Variants in PCDHGA6 observed in about 807,000 individuals in gnomAD.
PCDHGA6 encodes protocadherin gamma-A6.
PCDHGA6 carries 41 observed loss-of-function variants against 60.6 expected under a neutral mutation model. That is an observed-to-expected ratio of 0.68 (90% CI 0.53 to 0.88). The LOEUF (loss-of-function observed/expected upper bound fraction) is 0.88, where lower values mean the gene tolerates loss of function less well. PCDHGA6 is among the 40% of genes least tolerant of loss of function. The pLI is 0.00. For missense variants in PCDHGA6, 1,312 were observed against 1,203.0 expected, an observed-to-expected ratio of 1.09 and a Z score of -1.34; for synonymous variants, 594 against 524.4, an observed-to-expected ratio of 1.13 and a Z score of -1.81.
chr5:141,382,530 G>A (rs1043069134), intron 1 of PCDHGA6, among the ~76,000 whole-genome samples: 2 of 152,150 alleles, frequency 1.3e-5, no homozygotes, highest in Non-Finnish European at 2.9e-5. Context: ...GTCTTAAAAT[G>A]GATTTTTAAT....
chr5:141,382,463 A>T (rs1010194037), intron 1 of PCDHGA6, among the ~76,000 whole-genome samples: 1 of 152,216 alleles, frequency 6.6e-6, no homozygotes, highest in African/African-American at 2.4e-5. Context: ...GCAGTTTTTT[A>T]AAAATTATCT....
chr5:141,463,535 G>A (rs1178825067), intron 1 of PCDHGA6, among the ~76,000 whole-genome samples: 4 of 137,928 alleles, frequency 2.9e-5, no homozygotes, highest in East Asian at 2.3e-4. Context: ...TAGAAACTCC[G>A]GCTCCCGGGT....
chr5:141,474,358 C>A (rs189724264), intron 1 of PCDHGA6, among the ~76,000 whole-genome samples: 30 of 152,290 alleles, frequency 2.0e-4, no homozygotes, highest in African/African-American at 6.5e-4. Context: ...AGTCATGTCT[C>A]AGTAGGTCTA....
intron 1 of PCDHGA6, chr5:141,408,720 A>G (rs1325828281): frequency 6.2e-7 from 1 of 1,611,214 alleles, no homozygotes; most frequent in African/African-American, 1.3e-5. Context: ...TATAAGATAA[A>G]CTCTAATCCT....
chr5:141,425,763 G>A (rs959881638), intron 1 of PCDHGA6, among the ~76,000 whole-genome samples: 3 of 152,164 alleles, frequency 2.0e-5, no homozygotes, highest in Non-Finnish European at 4.4e-5. Context: ...TCTACAACAG[G>A]AGAGAAGACT....
chr5:141,472,557 A>G (rs2099288029), intron 1 of PCDHGA6, among the ~76,000 whole-genome samples: 3 of 152,044 alleles, frequency 2.0e-5, no homozygotes, highest in Admixed American at 1.3e-4. Flanking sequence ...AAAAAATTAT[A>G]TTATAAATGC....
At chr5:141,415,359 G>C in intron 1 of PCDHGA6, 2 of 1,614,246 alleles carry the variant, frequency 1.2e-6, no homozygotes, top group Non-Finnish European at 1.7e-6. Flanking sequence ...AGTCACGCCT[G>C]CTGCAGGCTT....
At position 141,490,712 on chromosome 5, in the gene PCDHGA6, A is replaced by T; in HGVS notation, c.2425-4095A>T. The stretch of plus-strand genomic sequence containing the variant: ...ACTGGGGATAATGCCCGCCTCACCT[A>T]CTCCATTGTAGGAAATCAGGTTCAG... On this transcript the variant is annotated intron_variant, in intron 1 of 3. Transcript: ENST00000517434. The surrounding 1 kb of genome is among the most constrained non-coding windows in gnomAD (Gnocchi z 5.4). The T allele has an allele frequency of 6.2e-7, 1 of 1,613,686 alleles. No homozygotes were observed. The highest frequency in any genetic ancestry group is 8.5e-7 in the Non-Finnish European group (1 of 1,179,894).
rs151105903 is a variant in PCDHGA6 at position 141,419,964 on chromosome 5, T to C, written c.2424+43457T>C. ...GTGGCCTTGGCCTTGATTTCTGTGC[T>C]CTTTCTCCTCGCGGTGATTCTAGCT... On this transcript the variant is annotated intron_variant, in intron 1 of 3. Transcript: ENST00000517434. 3.7e-6 allele frequency: 6 copies of C among 1,614,082 alleles called. No individual in the cohort carries two copies. Among genetic ancestry groups the C allele is most frequent in the Non-Finnish European group, 4.2e-6 (5 of 1,179,900 alleles).
intron 1 of PCDHGA6, chr5:141,399,214 G>A: frequency 6.2e-7 from 1 of 1,613,956 alleles, no homozygotes; most frequent in African/African-American, 1.3e-5. Context: ...AACACTAATT[G>A]CTTTGATCAA....
Position 141,414,566 on chromosome 5 carries a change from A to G in PCDHGA6, c.2424+38059A>G, listed in dbSNP as rs375828619. The stretch of plus-strand genomic sequence containing the variant: ...TTCTCTCAAGTCTCCTACTTTACCT[A>G]TATCCCAGAGAACAACGCCAGGGGT... On this transcript the variant is annotated intron_variant, in intron 1 of 3. Coordinates refer to ENST00000517434, the MANE Select transcript of PCDHGA6 (RefSeq NM_018919.3). The G allele has an allele frequency of 6.6e-5, 106 of 1,613,800 alleles. No homozygotes were observed. Among genetic ancestry groups the G allele is most frequent in the Non-Finnish European group, 8.4e-5 (99 of 1,179,878 alleles).
In PCDHGA6 at chr5:141,423,081, C is replaced by T. The variant is rs1393904828; in HGVS notation, c.2424+46574C>T. 3.1e-6 allele frequency: 5 copies of T among 1,613,966 alleles called. No individual in the cohort carries two copies. The African/African-American group carries it at 4.0e-5, about 13-fold the overall frequency. ...TTAAGGCCAGCGAGCCGGGACTCTT[C>T]GCGGTGGGGGAGCACACGGGCGAGG... is the stretch of plus-strand genomic sequence containing the variant. On this transcript the variant is annotated intron_variant, in intron 1 of 3. Coordinates refer to ENST00000517434, the MANE Select transcript of PCDHGA6 (RefSeq NM_018919.3).
At chr5:141,393,845 AC>A in intron 1 of PCDHGA6, 1 of 1,613,966 alleles carries the variant, frequency 6.2e-7, no homozygotes, top group South Asian at 1.1e-5. Flanking sequence ...ATGACAATAG[AC>A]CAGAAGTGAT....
chr5:141,500,084 C>T (rs1354544132), intron 2 of PCDHGA6, among the ~76,000 whole-genome samples: 1 of 152,030 alleles, frequency 6.6e-6, no homozygotes, highest in Non-Finnish European at 1.5e-5. Flanking sequence ...CCTCCATCTT[C>T]CATTTTTGCA....
chr5:141,410,689 C>T, intron 1 of PCDHGA6: 2 of 1,514,926 alleles, frequency 1.3e-6, no homozygotes, highest in Non-Finnish European at 1.8e-6. Flanking sequence ...AGGCATACTA[C>T]TTTATTTTCA....
chr5:141,374,057 C>T lies in PCDHGA6; in HGVS notation c.-27C>T, dbSNP rs768326017. The T allele has an allele frequency of 6.7e-7, 1 of 1,486,570 alleles. No individual in the cohort carries two copies. Among genetic ancestry groups the T allele is most frequent in the Admixed American group, 2.5e-5 (1 of 39,692 alleles). 92.1% of individuals were successfully genotyped at this position (1,486,570 alleles called of 1,614,324 possible). On this transcript the variant is annotated 5_prime_UTR_variant, in exon 1 of 4. Transcript: ENST00000517434. ...CAGATCTGTTCTTCCTCTTCTTAATCCCAGAGAAGTTCCTAATAAGCCAGT... is the reference window on the plus strand; with the variant it reads ...CAGATCTGTTCTTCCTCTTCTTAATTCCAGAGAAGTTCCTAATAAGCCAGT...
chr5:141,432,940 T>C lies in PCDHGA6; in HGVS notation c.2424+56433T>C, dbSNP rs142546730. On this transcript the variant is annotated intron_variant, in intron 1 of 3. Transcript: ENST00000517434. This position sits in a 1 kb window ranked among gnomAD's most constrained non-coding sequence, Gnocchi z 6.0. ...GGCACAAGTCACGCCTGCTGCAGGC[T>C]TCAGGAGGCGGCTTGACAGGAGCGC... 6 of 1,614,208 alleles carry C rather than the reference T, an allele frequency of 3.7e-6. No individual in the cohort carries two copies. The highest frequency in any genetic ancestry group is 4.2e-6 in the Non-Finnish European group (5 of 1,180,040).
At chr5:141,423,772 A>G (rs767998260) in intron 1 of PCDHGA6, 39 of 1,219,850 alleles carry the variant, frequency 3.2e-5, no homozygotes, top group East Asian at 1.6e-4. Context: ...GGGGCGGCAT[A>G]TATTTAGTTC....
At chr5:141,385,015 G>C in intron 1 of PCDHGA6, 2 of 1,614,018 alleles carry the variant, frequency 1.2e-6, no homozygotes, top group South Asian at 2.2e-5. Context: ...CGTCTTCCTA[G>C]CCTTCGTCCT....
Sources: allele counts gnomAD v4.1 joint callset (sites outside exome capture counted in the v4.1 genomes callset), GRCh38; gene constraint gnomAD v4.1.1; non-coding constraint Gnocchi (gnomAD v3.1); transcripts MANE v1.5; gene names NCBI Gene and HGNC (gene_info 2026-07-23, HGNC 2026-07-21).